The following BAZ2B variants were observed in gnomAD, a reference collection of about 807,000 sequenced individuals.
BAZ2B encodes bromodomain adjacent to zinc finger domain 2B.
Under a neutral mutation model 246.0 loss-of-function variants are expected in BAZ2B, and 91 were observed. The ratio of observed to expected loss-of-function variants is 0.37; its 90% CI spans 0.31 to 0.44. BAZ2B has a LOEUF of 0.44. Ranked by LOEUF, BAZ2B falls within the 20% of genes least tolerant of loss-of-function variation. The pLI is 1.00. For missense variants in BAZ2B, 2,332 were observed against 2,533.7 expected (o/e 0.92, Z 1.71); for synonymous variants, 855 against 860.0 (o/e 0.99, Z 0.10).
At chr2:159,456,564 C>A (rs2075798481) in intron 3 of BAZ2B, among the ~76,000 whole-genome samples, 1 of 152,042 alleles carries the variant, frequency 6.6e-6, no homozygotes, top group Admixed American at 6.6e-5. Flanking sequence ...GCAAAATGAG[C>A]TGTATACATC....
At chr2:159,672,213 T>C in the BAZ2B span, among the ~76,000 whole-genome samples, 1 of 152,196 alleles carries the variant, frequency 6.6e-6, no homozygotes, top group Non-Finnish European at 1.5e-5. Flanking sequence ...TATAATCAAT[T>C]GAGACAATTA....
At chr2:159,400,813 G>A (rs544876317) in intron 16 of BAZ2B, 149 bp from the exon 17 acceptor site, 8 of 471,398 alleles carry the variant, frequency 1.7e-5, no homozygotes, top group South Asian at 1.1e-4. Context: ...GGCCAAGGTG[G>A]GCGGATCACA....
chr2:159,692,442 G>C, the BAZ2B span, among the ~76,000 whole-genome samples: 5 of 152,290 alleles, frequency 3.3e-5, no homozygotes, highest in East Asian at 9.6e-4. Context: ...ACAGGCATGA[G>C]CCACCGTGCC....
chr2:159,406,364 A>G (rs929573355), intron 14 of BAZ2B, among the ~76,000 whole-genome samples: 9 of 152,210 alleles, frequency 5.9e-5, no homozygotes, highest in African/African-American at 1.4e-4. Flanking sequence ...AAGATAAGCA[A>G]AGCTGCTTAG....
intron 2 of BAZ2B, among the ~76,000 whole-genome samples, chr2:159,549,964 C>G (rs2087938714): frequency 6.6e-6 from 1 of 151,872 alleles, no homozygotes; most frequent in Non-Finnish European, 1.5e-5. Context: ...GCTGGAACTA[C>G]AGGCATGTGC....
chr2:159,510,218 T>C (rs997587111), intron 2 of BAZ2B, among the ~76,000 whole-genome samples: 1 of 152,192 alleles, frequency 6.6e-6, no homozygotes, highest in African/African-American at 2.4e-5. Flanking sequence ...GGTCTCACTC[T>C]GTCACCCAGG....
At chr2:159,701,971 G>A in the BAZ2B span, among the ~76,000 whole-genome samples, 3 of 152,062 alleles carry the variant, frequency 2.0e-5, no homozygotes, top group Non-Finnish European at 4.4e-5. Context: ...TCAGGTGATT[G>A]CCCGTCTCAG....
chr2:159,697,548 CA>C, the BAZ2B span, among the ~76,000 whole-genome samples: 1 of 152,136 alleles, frequency 6.6e-6, no homozygotes, highest in Non-Finnish European at 1.5e-5. Context: ...TATATTTAAA[CA>C]GTCAAGTTCA....
In BAZ2B at chr2:159,430,886, G is replaced by A. The variant is rs1192927424; in HGVS notation, c.2171C>T (p.Thr724Ile). The A allele has an allele frequency of 1.2e-6, 2 of 1,613,662 alleles. No homozygotes were observed. Among genetic ancestry groups the A allele is most frequent in the African/African-American group, 1.3e-5 (1 of 74,884 alleles). ...SPAFLGTSSS[T>I]LTSSPHSGTS... ...ACCAGAGTGTGGGCTTGAAGTAAGT[G>A]TGGAAGAAGATGTACCAAGAAAAGC... The change falls in exon 10 of 37, where the codon ACA becomes ATA. Residue 724 changes from threonine (T) to isoleucine (I), a missense_variant. Thr to Ile is a moderately conservative substitution (Grantham distance 89). Transcript: ENST00000392783.
At chr2:159,687,329 G>C in the BAZ2B span, among the ~76,000 whole-genome samples, 3 of 152,124 alleles carry the variant, frequency 2.0e-5, no homozygotes, top group African/African-American at 7.2e-5. Context: ...CAAGATAGAG[G>C]CTGGTTGCCA....
chr2:159,359,963 A>AT (rs1297473671), intron 27 of BAZ2B, among the ~76,000 whole-genome samples: 1 of 152,212 alleles, frequency 6.6e-6, no homozygotes, highest in Non-Finnish European at 1.5e-5. Context: ...TCTCAAAATA[A>AT]TAAGAGCTGT....
the BAZ2B span, among the ~76,000 whole-genome samples, chr2:159,702,787 T>C: frequency 6.6e-6 from 1 of 152,158 alleles, no homozygotes; most frequent in Non-Finnish European, 1.5e-5. Context: ...ACACCTGCAA[T>C]CCCAGCACTT....
Position 159,336,853 on chromosome 2 carries a change from A to G in BAZ2B, c.5796+89T>C. On this transcript the variant is annotated intron_variant, in intron 33 of 36. Transcript: ENST00000392783. ...GTATAGCATACATTATTATGACAAT[A>G]GGTAATGTATAATTAAGAAAGATCT... 2.7e-6 allele frequency: 3 copies of G among 1,128,222 alleles called. No homozygotes were observed. The South Asian group carries it at 5.6e-5, about 21-fold the overall frequency. 69.9% of individuals were successfully genotyped at this position (1,128,222 alleles called of 1,614,324 possible). A position where few individuals can be genotyped will look rare whatever the true frequency, so the allele number is the denominator to read the frequency against.
chr2:159,465,705 TGAG>T (rs1355825892), intron 3 of BAZ2B, among the ~76,000 whole-genome samples: 1 of 152,140 alleles, frequency 6.6e-6, no homozygotes, highest in Non-Finnish European at 1.5e-5. Context: ...GCAGATCACT[TGAG>T]GTCAGGAGCT....
At chr2:159,663,691 G>C in the BAZ2B span, among the ~76,000 whole-genome samples, 2 of 151,342 alleles carry the variant, frequency 1.3e-5, no homozygotes, top group East Asian at 1.9e-4. Flanking sequence ...GCTAATTTTT[G>C]TATTTTTGGT....
At chr2:159,405,224 T>C in intron 14 of BAZ2B, 110 bp from the exon 15 acceptor site, 1 of 976,298 alleles carries the variant, frequency 1.0e-6, no homozygotes, top group Non-Finnish European at 1.5e-6. Context: ...TATTACTTTT[T>C]TTTTTGAGAT....
intron 1 of BAZ2B, among the ~76,000 whole-genome samples, chr2:159,609,299 A>C (rs968202335): frequency 6.6e-6 from 1 of 152,208 alleles, no homozygotes; most frequent in African/African-American, 2.4e-5. Context: ...TCTTCTAAAA[A>C]ACTAGAGTAA....
intron 25 of BAZ2B, among the ~76,000 whole-genome samples, chr2:159,377,812 C>CAAAATAAAAAAAAA (rs2061567248): frequency 1.1e-5 from 1 of 94,202 alleles, no homozygotes; most frequent in Non-Finnish European, 2.2e-5. Context: ...ACTCTGTCTC[C>CAAAATAAAAAAAAA]AAAAAAAAAA....
At chr2:159,502,193 G>A (rs2081915316) in intron 2 of BAZ2B, among the ~76,000 whole-genome samples, 1 of 152,100 alleles carries the variant, frequency 6.6e-6, no homozygotes, top group Admixed American at 6.6e-5. Context: ...AATGGATATT[G>A]GGTCTGTTTG....
Sources: allele counts gnomAD v4.1 joint callset (sites outside exome capture counted in the v4.1 genomes callset), GRCh38; gene constraint gnomAD v4.1.1; transcripts MANE v1.5; gene names NCBI Gene and HGNC (gene_info 2026-07-23, HGNC 2026-07-21).